The following CWF19L2 variants were observed in gnomAD, a reference collection of about 807,000 sequenced individuals.
CWF19L2 encodes CWF19 like cell cycle control factor 2.
A neutral mutation model predicts 111.7 loss-of-function variants in CWF19L2; 98 were observed. The observed-to-expected ratio is 0.88, with a 90% CI of 0.75 to 1.04. CWF19L2 has a LOEUF of 1.04. CWF19L2 is among the 50% of genes least tolerant of loss of function. The pLI is 0.00. For missense variants in CWF19L2, 1,101 were observed against 1,051.4 expected (o/e 1.05, Z -0.65); for synonymous variants, 351 against 342.9 (o/e 1.02, Z -0.26).
intron 12 of CWF19L2, among the ~76,000 whole-genome samples, chr11:107,362,063 G>A (rs541019615): frequency 1.3e-4 from 20 of 152,240 alleles, no homozygotes; most frequent in African/African-American, 2.9e-4. Context: ...AAGGGGTGAC[G>A]GACGCACCTG....
At chr11:107,411,773 G>A (rs2135394093) in intron 10 of CWF19L2, among the ~76,000 whole-genome samples, 1 of 152,068 alleles carries the variant, frequency 6.6e-6, no homozygotes, top group Middle Eastern at 3.4e-3. Flanking sequence ...AAAAACACTG[G>A]TTTTTCTATT....
At chr11:107,428,342 G>A (rs1861409471) in intron 8 of CWF19L2, among the ~76,000 whole-genome samples, 1 of 151,848 alleles carries the variant, frequency 6.6e-6, no homozygotes, top group African/African-American at 2.4e-5. Context: ...AAGATCTCTG[G>A]CATGTATTTG....
intron 3 of CWF19L2, among the ~76,000 whole-genome samples, chr11:107,450,395 C>CAT (rs765747002): frequency 8.6e-5 from 13 of 151,634 alleles, no homozygotes; most frequent in African/African-American, 2.2e-4. Flanking sequence ...TTTAAAAACT[C>CAT]ATATATATAT....
chr11:107,417,370 A>G (rs1402630224), intron 9 of CWF19L2, among the ~76,000 whole-genome samples: 1 of 152,186 alleles, frequency 6.6e-6, no homozygotes, highest in East Asian at 1.9e-4. Context: ...ATTTCTTACA[A>G]TTCTGAGGTA....
chr11:107,433,399 T>C (rs566260937), intron 7 of CWF19L2, among the ~76,000 whole-genome samples: 1 of 151,600 alleles, frequency 6.6e-6, no homozygotes, highest in Non-Finnish European at 1.5e-5. Flanking sequence ...AATAAGAAAA[T>C]TTTTTTTACA....
chr11:107,394,962 T>C (rs1591181326), intron 10 of CWF19L2, among the ~76,000 whole-genome samples: 1 of 152,202 alleles, frequency 6.6e-6, no homozygotes, highest in East Asian at 1.9e-4. Context: ...CCAAGTCCAA[T>C]AATTACTAGA....
chr11:107,338,523 C>T (rs1323438752), intron 14 of CWF19L2, among the ~76,000 whole-genome samples: 1 of 152,048 alleles, frequency 6.6e-6, no homozygotes, highest in Admixed American at 6.6e-5. Flanking sequence ...AGGTATTAAA[C>T]CTAGCAACCA....
intron 12 of CWF19L2, among the ~76,000 whole-genome samples, chr11:107,369,152 C>T (rs927794380): frequency 2.2e-5 from 3 of 137,828 alleles, no homozygotes; most frequent in Non-Finnish European, 4.7e-5. Context: ...GCAAGAGTTA[C>T]ACGGTTTTTT....
chr11:107,443,410 G>A (rs1322079906), intron 3 of CWF19L2, among the ~76,000 whole-genome samples: 5 of 151,998 alleles, frequency 3.3e-5, no homozygotes, highest in Non-Finnish European at 5.9e-5. Context: ...TTGTACCCAG[G>A]AGGCAGAGGT....
At chr11:107,432,555 C>T (rs1242141) in intron 7 of CWF19L2, among the ~76,000 whole-genome samples, 83,432 of 152,028 alleles carry the variant, frequency 0.55, 23,823 homozygotes, top group African/African-American at 0.72. Context: ...CGCACTCCAG[C>T]CTGGGTGACA....
chr11:107,418,732 G>A (rs941891930), intron 8 of CWF19L2, among the ~76,000 whole-genome samples: 8 of 152,070 alleles, frequency 5.3e-5, no homozygotes, highest in African/African-American at 1.4e-4. Context: ...AGCATTGATC[G>A]TGTGCTTTTT....
intron 2 of CWF19L2, 95 bp downstream of exon 2, chr11:107,455,571 G>A (rs1451050124): frequency 7.2e-6 from 5 of 691,900 alleles, no homozygotes; most frequent in Non-Finnish European, 1.2e-5. Context: ...TGTAACTTAT[G>A]AAAACATTCT....
At chr11:107,450,430 C>T (rs568546) in intron 3 of CWF19L2, among the ~76,000 whole-genome samples, 85,030 of 151,754 alleles carry the variant, frequency 0.56, 24,024 homozygotes, top group Admixed American at 0.63. Flanking sequence ...AGTGCACACC[C>T]GTAGTCCCAG....
At chr11:107,349,579 T>C (rs990572648) in intron 13 of CWF19L2, among the ~76,000 whole-genome samples, 2 of 151,896 alleles carry the variant, frequency 1.3e-5, no homozygotes, top group African/African-American at 4.8e-5. Flanking sequence ...CATACATGTA[T>C]TACCTAAAAA....
intron 13 of CWF19L2, among the ~76,000 whole-genome samples, chr11:107,351,183 A>C (rs978968357): frequency 2.0e-5 from 3 of 152,210 alleles, no homozygotes; most frequent in Non-Finnish European, 2.9e-5. Context: ...AATGATGATG[A>C]CTTGAACCAG....
chr11:107,386,663 T>C (rs661889), intron 12 of CWF19L2, among the ~76,000 whole-genome samples: 123,639 of 152,118 alleles, frequency 0.81, 50,880 homozygotes, highest in African/African-American at 0.94. Flanking sequence ...CTGCACTTCT[T>C]AGTTTTATTT....
intron 7 of CWF19L2, among the ~76,000 whole-genome samples, chr11:107,432,135 T>C (rs1861473623): frequency 1.3e-5 from 2 of 152,094 alleles, no homozygotes; most frequent in Non-Finnish European, 2.9e-5. Flanking sequence ...CATAGCAAAT[T>C]ATCAACGAAG....
chr11:107,391,031 G>A (rs940470912), intron 11 of CWF19L2, among the ~76,000 whole-genome samples: 2 of 152,096 alleles, frequency 1.3e-5, no homozygotes, highest in Admixed American at 6.6e-5. Flanking sequence ...TTCAGTTTTC[G>A]GATTCTTGGA....
chr11:107,450,585 T>G (rs1591212719), intron 3 of CWF19L2, among the ~76,000 whole-genome samples: 1 of 151,688 alleles, frequency 6.6e-6, no homozygotes, highest in East Asian at 1.9e-4. Context: ...AAAGAAGAAA[T>G]TGATAGGCGA....
Sources: gnomAD v4.1 joint callset for allele counts (sites outside exome capture counted in the v4.1 genomes callset) on GRCh38, gnomAD v4.1.1 for gene constraint, MANE v1.5 for transcripts, NCBI Gene and HGNC (gene_info 2026-07-23, HGNC 2026-07-21) for gene names.